The following CHL1 variants were observed in gnomAD, a reference collection of about 807,000 sequenced individuals.
CHL1 encodes cell adhesion molecule L1 like, also known as neural cell adhesion molecule L1-like protein.
Under a neutral mutation model 141.9 loss-of-function variants are expected in CHL1, and 96 were observed. The ratio of observed to expected loss-of-function variants is 0.68; its 90% CI spans 0.57 to 0.80. The LOEUF (loss-of-function observed/expected upper bound fraction) is 0.80, where lower values mean the gene tolerates loss of function less well. Among genes scored for constraint, CHL1 ranks in the 30% least tolerant of loss-of-function variants. The pLI is 0.00. For synonymous variants in CHL1, 613 were observed against 502.2 expected (o/e 1.22, Z -2.95); for missense variants, 1,820 against 1,457.2 (o/e 1.25, Z -4.05).
chr3:401,277 A>G (rs1709105106), intron 26 of CHL1, among the ~76,000 whole-genome samples: 1 of 152,230 alleles, frequency 6.6e-6, no homozygotes, highest in Non-Finnish European at 1.5e-5. Context: ...CAAAAAGTTC[A>G]GATAGTAAAA....
chr3:281,732 G>A (rs1054472375), intron 2 of CHL1, among the ~76,000 whole-genome samples: 1 of 151,806 alleles, frequency 6.6e-6, no homozygotes, highest in Non-Finnish European at 1.5e-5. Flanking sequence ...GCTAATTTTT[G>A]TATTTTTAGT....
At chr3:362,334 GA>G (rs1480294055) in intron 13 of CHL1, among the ~76,000 whole-genome samples, 1 of 152,104 alleles carries the variant, frequency 6.6e-6, no homozygotes, top group African/African-American at 2.4e-5. Flanking sequence ...AATAGTTCTT[GA>G]ATAATTTTGT....
intron 13 of CHL1, 49 bp downstream of exon 13, chr3:361,859 T>G: frequency 8.0e-7 from 1 of 1,251,624 alleles, no homozygotes; most frequent in Non-Finnish European, 1.2e-6. Flanking sequence ...ATTGTAGATT[T>G]GACCTTGTTT....
intron 7 of CHL1, among the ~76,000 whole-genome samples, chr3:342,584 A>G (rs745726469): frequency 1.3e-5 from 2 of 152,216 alleles, no homozygotes; most frequent in Non-Finnish European, 2.9e-5. Flanking sequence ...GAACCGTAAG[A>G]TTCAAAGGGA....
chr3:198,854 C>T (rs6769011), intron 1 of CHL1, among the ~76,000 whole-genome samples: 14,465 of 152,256 alleles, frequency 0.095, 749 homozygotes, highest in Middle Eastern at 0.14. Flanking sequence ...TCCTACGAAG[C>T]TCTGCCTTGC....
intron 9 of CHL1, among the ~76,000 whole-genome samples, chr3:347,070 T>G (rs909493024): frequency 6.6e-6 from 1 of 152,178 alleles, no homozygotes; most frequent in Non-Finnish European, 1.5e-5. Flanking sequence ...GTTTTAGATT[T>G]AAGGGATATT....
chr3:236,075 A>G (rs980400980), intron 1 of CHL1, among the ~76,000 whole-genome samples: 3 of 152,320 alleles, frequency 2.0e-5, no homozygotes, highest in East Asian at 3.9e-4. Flanking sequence ...TGGGAAGACC[A>G]GCGTCTGAAT....
intron 4 of CHL1, 53 bp from the exon 5 acceptor site, chr3:328,109 GTACTC>G (rs1164083800): frequency 1.5e-6 from 2 of 1,318,692 alleles, no homozygotes; most frequent in African/African-American, 3.0e-5. Flanking sequence ...TTGTTAATAA[GTACTC>G]TAAACATATG....
intron 24 of CHL1, 133 bp from the exon 25 acceptor site, chr3:398,094 C>T (rs1013379553): frequency 4.1e-6 from 2 of 486,100 alleles, no homozygotes; most frequent in Non-Finnish European, 7.1e-6. Context: ...TTCTTGATCT[C>T]CTGGTAATTC....
In CHL1 at chr3:349,517, C is replaced by G. The variant is rs750208562; in HGVS notation, c.1007C>G (p.Thr336Ser). The G allele has an allele frequency of 1.9e-6, 3 of 1,613,692 alleles. No individual in the cohort carries two copies. The highest frequency in any genetic ancestry group is 8.5e-7 in the Non-Finnish European group (1 of 1,179,868). The change falls in exon 10 of 28, where the codon ACT (threonine) becomes AGT (serine). Residue 336 changes from threonine (T) to serine (S), a missense_variant. By Grantham distance (58) the Thr-to-Ser change is moderately conservative. Transcript: ENST00000256509. ...CTASNFLGTA[T>S]HDFHVIVEEP... ...GCCAGCAATTTCTTGGGAACAGCCA[C>G]TCACGATTTTCACGTTATAGTAGAA...
rs538404609 is a variant in CHL1 at position 269,471 on chromosome 3, G to A, written c.-95+24779G>A. 2.6e-5 allele frequency among the ~76,000 whole-genome samples: 4 copies of A among 152,204 alleles called. No individual in the cohort carries two copies. In the South Asian group the frequency reaches 6.2e-4, roughly 24 times the overall value. On this transcript the variant is annotated intron_variant, in intron 2 of 27. Coordinates refer to ENST00000256509, the MANE Select transcript of CHL1 (RefSeq NM_006614.4). ...GGGTCAGTGGAGCACCTACATTCTC[G>A]CCTTTCAGCCCAGGTGGGGTACATG... is the stretch of plus-strand genomic sequence containing the variant.
chr3:396,409 T>A (rs1708670805), intron 24 of CHL1, among the ~76,000 whole-genome samples: 1 of 152,176 alleles, frequency 6.6e-6, no homozygotes, highest in Non-Finnish European at 1.5e-5. Flanking sequence ...AATGTGCATG[T>A]GAAATGCTGA....
chr3:250,010 A>C (rs1412082803), intron 2 of CHL1, among the ~76,000 whole-genome samples: 1 of 151,938 alleles, frequency 6.6e-6, no homozygotes, highest in Non-Finnish European at 1.5e-5. Context: ...TCTGTCACCC[A>C]GGTTGGAATG....
At position 391,700 on chromosome 3, in the gene CHL1, G is replaced by A; in HGVS notation, c.2817G>A (p.Lys939=). The change falls in exon 23 of 28, where the codon AAG becomes AAA. Residue 939 remains lysine (K), a synonymous_variant. Coordinates refer to ENST00000256509, the MANE Select transcript of CHL1 (RefSeq NM_006614.4). ...EGVPEQPTFL[K]VIKVDKDTAT... ...TACCTGAACAGCCAACTTTTCTAAA[G>A]GTCATCAAAGTTGATAAAGACACTG... 2 of 1,605,610 alleles carry A rather than the reference G, an allele frequency of 1.2e-6. No individual in the cohort carries two copies. The highest frequency in any genetic ancestry group is 1.7e-6 in the Non-Finnish European group (2 of 1,175,226).
At chr3:327,679 A>G (rs1032341091) in intron 4 of CHL1, among the ~76,000 whole-genome samples, 1 of 151,940 alleles carries the variant, frequency 6.6e-6, no homozygotes, top group Non-Finnish European at 1.5e-5. Flanking sequence ...GTATCATTAT[A>G]ATAATGGAAA....
At chr3:307,439 G>C (rs1157932750) in intron 2 of CHL1, among the ~76,000 whole-genome samples, 1 of 152,164 alleles carries the variant, frequency 6.6e-6, no homozygotes, top group Non-Finnish European at 1.5e-5. Context: ...CTTCACTAGA[G>C]GCAGATGAGA....
rs774678807 is a variant in CHL1, at chr3:319,772, G to C, written c.-5G>C. On this transcript the variant is annotated 5_prime_UTR_variant, in exon 3 of 28. Coordinates refer to ENST00000256509, the MANE Select transcript of CHL1 (RefSeq NM_006614.4). ...CTTACCGGGTTGTCTTCTTCCTGAA[G>C]AGCAATGGAGCCGCTTTTACTTGGA... 5 of 1,593,252 alleles carry C rather than the reference G, an allele frequency of 3.1e-6. No homozygotes were observed. In the South Asian group the frequency reaches 3.3e-5, roughly 11 times the overall value.
In CHL1 at chr3:377,916, C is replaced by T. The variant is rs776801078; in HGVS notation, c.1850C>T (p.Ala617Val). 6.2e-7 allele frequency: 1 copy of T among 1,610,106 alleles called. No individual in the cohort carries two copies. The highest frequency in any genetic ancestry group is 8.5e-7 in the Non-Finnish European group (1 of 1,178,520). ...CSAHTALDSA[A>V]DITQVTVLDV... ...GCTCATACTGCTCTAGACAGTGCTG[C>T]CGATATAACTCAAGTAACTGTTCTT... Residue 617 changes from alanine to valine, a missense_variant, in exon 16 of 28, where the codon GCC (alanine) becomes GTC (valine). Coordinates refer to ENST00000256509, the MANE Select transcript of CHL1 (RefSeq NM_006614.4).
intron 2 of CHL1, among the ~76,000 whole-genome samples, chr3:249,020 C>G (rs920368478): frequency 6.6e-6 from 1 of 152,168 alleles, no homozygotes; most frequent in Non-Finnish European, 1.5e-5. Context: ...TATTTTTGCC[C>G]TAAGGCAATT....
Sources: gnomAD v4.1 joint callset for allele counts (sites outside exome capture counted in the v4.1 genomes callset) on GRCh38, gnomAD v4.1.1 for gene constraint, MANE v1.5 for transcripts, NCBI Gene and HGNC (gene_info 2026-07-23, HGNC 2026-07-21) for gene names.